Variants in TBCD observed in about 807,000 individuals in gnomAD.
TBCD encodes the protein tubulin folding cofactor D.
Under a neutral mutation model 169.3 loss-of-function variants are expected in TBCD, and 105 were observed. That is an observed-to-expected ratio of 0.62 (90% confidence interval 0.53 to 0.73). TBCD has a LOEUF of 0.73. TBCD is among the 30% of genes least tolerant of loss of function. The probability of loss-of-function intolerance (pLI) is 0.00; values close to 1 mark genes in which losing one functional copy is unlikely to be tolerated. For missense variants in TBCD, 1,444 were observed against 1,600.1 expected (o/e 0.90, Z 1.66); for synonymous variants, 700 against 643.9 (o/e 1.09, Z -1.32).
chr17:82,897,981 A>C (rs2059605446), intron 17 of TBCD, among the ~76,000 whole-genome samples: 1 of 123,880 alleles, frequency 8.1e-6, no homozygotes, highest in Admixed American at 9.1e-5. Flanking sequence ...GTTCTCCCCG[A>C]TGGTTTTCTG....
intron 13 of TBCD, among the ~76,000 whole-genome samples, chr17:82,843,668 G>A (rs549168006): frequency 2.7e-5 from 4 of 148,988 alleles, no homozygotes; most frequent in African/African-American, 1.0e-4. Flanking sequence ...CAGGTCAGTT[G>A]CAGACATCAG....
At chr17:82,904,440 T>C (rs1752218750) in intron 19 of TBCD, among the ~76,000 whole-genome samples, 1 of 152,238 alleles carries the variant, frequency 6.6e-6, no homozygotes, top group African/African-American at 2.4e-5. Flanking sequence ...GCAGCGTGTA[T>C]AGAAAGAAAA....
At chr17:82,775,891 TAATA>T (rs1279565973) in intron 6 of TBCD, among the ~76,000 whole-genome samples, 1 of 151,804 alleles carries the variant, frequency 6.6e-6, no homozygotes, top group African/African-American at 2.4e-5. Flanking sequence ...TAAAGTATAA[TAATA>T]AAAAAATTAA....
At chr17:82,841,540 T>A (rs1230805789) in intron 13 of TBCD, among the ~76,000 whole-genome samples, 14 of 152,002 alleles carry the variant, frequency 9.2e-5, no homozygotes, top group African/African-American at 3.1e-4. Flanking sequence ...TACCTTAAAA[T>A]TTTTTTTGGT....
chr17:82,822,922 G>C (rs904021437), intron 13 of TBCD, among the ~76,000 whole-genome samples: 1 of 152,174 alleles, frequency 6.6e-6, no homozygotes, highest in Non-Finnish European at 1.5e-5. Context: ...CTTGAACCGG[G>C]TTCCCAGGCT....
At chr17:82,843,701 T>C (rs1438343871) in intron 13 of TBCD, among the ~76,000 whole-genome samples, 1 of 152,184 alleles carries the variant, frequency 6.6e-6, no homozygotes, top group Non-Finnish European at 1.5e-5. Context: ...CAAACACTTT[T>C]CAGGCATATT....
rs1422867605 is a variant in TBCD, at chr17:82,940,219, G to GCACACA, written c.3479+744_3479+745insACACAC. ...CTCACACACATGCTCACTTGCACGC[G>GCACACA]CGCACACACACACACACACACACAC... On this transcript the variant is annotated intron_variant, in intron 37 of 38. Transcript: ENST00000355528. 1.7e-3 allele frequency among the ~76,000 whole-genome samples: 163 copies of GCACACA among 94,622 alleles called. 2 individuals carry two copies. The highest frequency in any genetic ancestry group is 3.9e-3 in the African/African-American group (124 of 32,158). The allele number at this position is 94,622 out of a possible 152,430, so 62.1% of individuals were successfully genotyped here.
Position 82,889,666 on chromosome 17 carries a change from A to G in TBCD, c.1534-2A>G. ...CTGCTGTGTTTGTTCTTTGCTCCGC[A>G]GGCCGCCTTCCAGGAGAATGTGGGG... On this transcript the variant is annotated splice_acceptor_variant, in intron 15 of 38. Transcript: ENST00000355528. LOFTEE classifies it high-confidence loss of function. This position sits in a 1 kb window ranked among gnomAD's most constrained non-coding sequence, Gnocchi z 5.3. The G allele has an allele frequency of 1.2e-6, 2 of 1,613,880 alleles. No individual in the cohort carries two copies. Among genetic ancestry groups the G allele is most frequent in the Non-Finnish European group, 1.7e-6 (2 of 1,179,838 alleles).
chr17:82,869,081 G>A (rs1384925014), intron 13 of TBCD, among the ~76,000 whole-genome samples: 1 of 152,206 alleles, frequency 6.6e-6, no homozygotes, highest in Non-Finnish European at 1.5e-5. Context: ...GTGCTTATCT[G>A]GGGAGGCTGA....
chr17:82,831,430 G>A lies in TBCD; in HGVS notation c.1318+16496G>A, dbSNP rs748373712. Reference sequence around the variant, plus strand: ...AAGCAGGTGAGAGCTCTGATCTCGGGTGAGGCCAGTGACAGGTGGGAGTCT... The same window carrying A: ...AAGCAGGTGAGAGCTCTGATCTCGGATGAGGCCAGTGACAGGTGGGAGTCT... On this transcript the variant is annotated intron_variant, in intron 13 of 38. Transcript: ENST00000355528. This position sits in a 1 kb window ranked among gnomAD's most constrained non-coding sequence, Gnocchi z 4.6. 1.9e-6 allele frequency: 3 copies of A among 1,614,186 alleles called. No homozygotes were observed. In the South Asian group the frequency reaches 3.3e-5, roughly 18 times the overall value.
At chr17:82,775,135 G>C (rs2048509306) in intron 6 of TBCD, among the ~76,000 whole-genome samples, 1 of 152,202 alleles carries the variant, frequency 6.6e-6, no homozygotes. Context: ...CGGACTCCCG[G>C]CGAGACACCG....
chr17:82,800,953 C>G lies in TBCD; in HGVS notation c.907C>G (p.Arg303Gly). 2 of 1,611,162 alleles carry G rather than the reference C, an allele frequency of 1.2e-6. No individual in the cohort carries two copies. The highest frequency in any genetic ancestry group is 1.1e-5 in the South Asian group (1 of 90,922). The change falls in exon 9 of 39, where the codon CGA becomes GGA. Residue 303 changes from arginine to glycine, a missense_variant. Transcript: ENST00000355528. ...GAAGCTGGGGGTGAAGCTTGTGCAG[C>G]GACTGGGGCTGACATTCCTGAAGCC... Reference protein sequence around the residue: ...LRKLGVKLVQRLGLTFLKPKV... With the variant: ...LRKLGVKLVQGLGLTFLKPKV...
At chr17:82,860,768 G>A (rs533079349) in intron 13 of TBCD, among the ~76,000 whole-genome samples, 2 of 152,198 alleles carry the variant, frequency 1.3e-5, no homozygotes, top group African/African-American at 2.4e-5. Flanking sequence ...TTCATCGCCC[G>A]TGTCCGGGCT....
At chr17:82,939,674 C>G (rs1348109255) in intron 37 of TBCD, among the ~76,000 whole-genome samples, 198 bp downstream of exon 37, 1 of 152,204 alleles carries the variant, frequency 6.6e-6, no homozygotes, top group Non-Finnish European at 1.5e-5. Flanking sequence ...CGCCCTGTCC[C>G]CAAACAGTGT....
chr17:82,885,867 G>A (rs538115761), intron 15 of TBCD, among the ~76,000 whole-genome samples: 2 of 152,240 alleles, frequency 1.3e-5, no homozygotes, highest in East Asian at 1.9e-4. Flanking sequence ...ACAGCCAAAG[G>A]TAAAAGACAC....
rs767672280 is a variant in TBCD, at chr17:82,884,113, T to A, written c.1476-32T>A. 13 of 1,580,586 alleles carry A rather than the reference T, an allele frequency of 8.2e-6. No homozygotes were observed. The African/African-American group carries it at 1.3e-4, about 16-fold the overall frequency. ...GTGGTCTGTACTGTTTTGCAGAATT[T>A]CTTTTTAATTAATCCTTTCTCTTTT... On this transcript the variant is annotated intron_variant, in intron 14 of 38. Transcript: ENST00000355528. The surrounding 1 kb of genome is among the most constrained non-coding windows in gnomAD (Gnocchi z 4.2).
At chr17:82,888,666 T>C (rs898102) in intron 15 of TBCD, among the ~76,000 whole-genome samples, 152,249 of 152,332 alleles carry the variant, frequency 1, 76,083 homozygotes, top group Middle Eastern at 1. Flanking sequence ...TGGCCAGAGG[T>C]GGTGGGCGCG....
intron 6 of TBCD, among the ~76,000 whole-genome samples, chr17:82,773,104 A>G (rs915707099): frequency 3.9e-5 from 6 of 152,236 alleles, no homozygotes; most frequent in Non-Finnish European, 5.9e-5. Context: ...TTAAGTATGT[A>G]TGTAGTTTAC....
rs1162525724 is a variant in TBCD at position 82,944,827 on chromosome 17, TGA to T, written c.*2369_*2370del. 6.6e-6 allele frequency: 1 copy of T among 152,156 alleles called. No individual in the cohort carries two copies. The highest frequency in any genetic ancestry group is 2.4e-5 in the African/African-American group (1 of 41,434). The allele number at this position is 152,156 out of a possible 1,614,324, so 9.4% of individuals were successfully genotyped here. On this transcript the variant is annotated 3_prime_UTR_variant, in exon 39 of 39. Coordinates refer to ENST00000355528, the MANE Select transcript of TBCD (RefSeq NM_005993.5). Reference sequence around the variant, plus strand: ...CACGCTATTTTGATAGCAGAATGGATGAGAGAATTTAAGGCCCAGGGCCAGAT... The same window carrying T: ...CACGCTATTTTGATAGCAGAATGGATGAGAATTTAAGGCCCAGGGCCAGAT...
Sources: allele counts gnomAD v4.1 joint callset (sites outside exome capture counted in the v4.1 genomes callset), GRCh38; gene constraint gnomAD v4.1.1; non-coding constraint Gnocchi (gnomAD v3.1); transcripts MANE v1.5; gene names NCBI Gene and HGNC (gene_info 2026-07-23, HGNC 2026-07-21).